The following KANK1 variants were observed in gnomAD, a reference collection of about 807,000 sequenced individuals.
The protein encoded by KANK1 is KN motif and ankyrin repeat domains 1, also known as KN motif and ankyrin repeat domain-containing protein 1.
A neutral mutation model predicts 106.2 loss-of-function variants in KANK1; 109 were observed. The observed-to-expected ratio is 1.03, with a 90% confidence interval of 0.88 to 1.20. The LOEUF is 1.20. Ranked by LOEUF, KANK1 falls within the 50% of genes most tolerant of loss-of-function variation. KANK1 has a pLI of 0.00. For synonymous variants in KANK1, 873 were observed against 652.2 expected (o/e 1.34, Z -5.16); for missense variants, 2,399 against 1,710.7 (o/e 1.40, Z -7.10).
At chr9:732,795 T>G in intron 6 of KANK1, 178 bp downstream of exon 6, 2 of 610,402 alleles carry the variant, frequency 3.3e-6, no homozygotes, top group South Asian at 2.9e-5. Flanking sequence ...CTTAGATCTC[T>G]TATGGTAGAA....
intron 1 of KANK1, among the ~76,000 whole-genome samples, chr9:665,629 C>A (rs139701657): frequency 6.6e-6 from 1 of 152,038 alleles, no homozygotes; most frequent in Non-Finnish European, 1.5e-5. Context: ...TCTTTTTGCT[C>A]AAGATTGCTT....
At chr9:525,111 C>T (rs981397566) in intron 1 of KANK1, among the ~76,000 whole-genome samples, 1 of 150,756 alleles carries the variant, frequency 6.6e-6, no homozygotes, top group Non-Finnish European at 1.5e-5. Context: ...TCTCCTGCCT[C>T]AGCCTCCCAA....
intron 1 of KANK1, among the ~76,000 whole-genome samples, chr9:578,935 A>G (rs940982002): frequency 6.6e-6 from 1 of 152,338 alleles, no homozygotes; most frequent in African/African-American, 2.4e-5. Context: ...GAGCACTCTC[A>G]TAACTCTAGG....
chr9:525,331 G>C (rs2059739404), intron 1 of KANK1, among the ~76,000 whole-genome samples: 1 of 148,038 alleles, frequency 6.8e-6, no homozygotes, highest in Non-Finnish European at 1.5e-5. Context: ...CCTGATTTCT[G>C]ACAGAATATG....
At chr9:662,747 C>T (rs1173932250) in intron 1 of KANK1, among the ~76,000 whole-genome samples, 15 of 150,920 alleles carry the variant, frequency 9.9e-5, no homozygotes, top group South Asian at 2.1e-4. Flanking sequence ...CTGCAATCTC[C>T]ACCTCCTGGG....
intron 1 of KANK1, among the ~76,000 whole-genome samples, chr9:554,475 C>T (rs1563760641): frequency 6.6e-6 from 1 of 152,174 alleles, no homozygotes; most frequent in Non-Finnish European, 1.5e-5. Flanking sequence ...AAAAAAAGTG[C>T]GGTTTGTGGC....
chr9:564,206 C>G (rs1269729957), intron 1 of KANK1, among the ~76,000 whole-genome samples: 4 of 151,952 alleles, frequency 2.6e-5, no homozygotes, highest in Admixed American at 2.6e-4. Flanking sequence ...ATTACAGACG[C>G]CCGCCACCAC....
chr9:613,932 G>T (rs7047247), intron 1 of KANK1, among the ~76,000 whole-genome samples: 1 of 151,860 alleles, frequency 6.6e-6, no homozygotes, highest in Non-Finnish European at 1.5e-5. Context: ...TCTCATTTCT[G>T]CGCCCTACAG....
chr9:629,720 G>A (rs965286361), intron 1 of KANK1, among the ~76,000 whole-genome samples: 1 of 152,222 alleles, frequency 6.6e-6, no homozygotes, highest in Non-Finnish European at 1.5e-5. Flanking sequence ...GTACAAACGT[G>A]TTGGAGATAT....
chr9:640,696 C>T (rs918649656), intron 1 of KANK1, among the ~76,000 whole-genome samples: 2 of 149,302 alleles, frequency 1.3e-5, no homozygotes, highest in African/African-American at 5.0e-5. Flanking sequence ...CACGCCCGGC[C>T]TAATTTTTTT....
chr9:658,125 A>T (rs774104713), intron 1 of KANK1, among the ~76,000 whole-genome samples: 7 of 152,130 alleles, frequency 4.6e-5, no homozygotes, highest in Non-Finnish European at 1.0e-4. Flanking sequence ...CCTCTATGTG[A>T]AATCTAAATA....
chr9:620,690 C>A (rs538655607), intron 1 of KANK1, among the ~76,000 whole-genome samples: 4 of 152,054 alleles, frequency 2.6e-5, no homozygotes, highest in Non-Finnish European at 5.9e-5. Flanking sequence ...CAGGCGTGAG[C>A]CAACTTTTAA....
At chr9:497,168 A>G (rs1199407945) in intron 3 of KANK1, among the ~76,000 whole-genome samples, 2 of 152,148 alleles carry the variant, frequency 1.3e-5, no homozygotes, top group Admixed American at 1.3e-4. Context: ...TATCATATGC[A>G]AGTTGTGATA....
chr9:696,653 G>A (rs888654928), intron 2 of KANK1, among the ~76,000 whole-genome samples: 2 of 152,048 alleles, frequency 1.3e-5, no homozygotes, highest in African/African-American at 2.4e-5. Flanking sequence ...GCTGGATTGG[G>A]GCTAAATTGT....
chr9:703,394 T>G (rs763866917), intron 2 of KANK1, among the ~76,000 whole-genome samples: 1 of 152,238 alleles, frequency 6.6e-6, no homozygotes, highest in East Asian at 1.9e-4. Context: ...TCTTAAAAAT[T>G]TTTCCTCTTA....
intron 2 of KANK1, among the ~76,000 whole-genome samples, chr9:697,831 A>G (rs766227185): frequency 2.0e-5 from 3 of 152,208 alleles, no homozygotes; most frequent in Non-Finnish European, 2.9e-5. Context: ...TGACACTGGC[A>G]TTAAATAGCC....
intron 3 of KANK1, 66 bp downstream of exon 3, chr9:713,530 G>A (rs1826805289): frequency 6.7e-7 from 1 of 1,492,030 alleles, no homozygotes; most frequent in South Asian, 1.4e-5. Flanking sequence ...CAGAAGCTAA[G>A]GATTATTTTT....
intron 1 of KANK1, among the ~76,000 whole-genome samples, chr9:505,046 G>A (rs867663830): frequency 1.6e-4 from 24 of 152,024 alleles, no homozygotes; most frequent in African/African-American, 5.5e-4. Flanking sequence ...CGGTCTGGAG[G>A]AGGGAGAGGC....
chr9:506,527 GGTGTGTGTGT>G (rs36217612), intron 1 of KANK1, among the ~76,000 whole-genome samples: 114 of 149,648 alleles, frequency 7.6e-4, no homozygotes, highest in African/African-American at 2.7e-3. Flanking sequence ...GTGAGTTCTG[GGTGTGTGTGT>G]GTGTGTGTGT....
Sources: gnomAD v4.1 joint callset for allele counts (sites outside exome capture counted in the v4.1 genomes callset) on GRCh38, gnomAD v4.1.1 for gene constraint, MANE v1.5 for transcripts, NCBI Gene and HGNC (gene_info 2026-07-23, HGNC 2026-07-21) for gene names.